The following PDE10A variants were observed in gnomAD, a reference collection of about 807,000 sequenced individuals.
The protein encoded by PDE10A is cAMP and cAMP-inhibited cGMP 3',5'-cyclic phosphodiesterase 10A.
Under a neutral mutation model 97.7 loss-of-function variants are expected in PDE10A, and 39 were observed. That is an observed-to-expected ratio of 0.40 (90% CI 0.31 to 0.52). PDE10A has a LOEUF of 0.52. Among genes scored for constraint, PDE10A ranks in the 20% least tolerant of loss-of-function variants. The pLI is 0.56. For synonymous variants in PDE10A, 371 were observed against 376.8 expected (o/e 0.98, Z 0.18); for missense variants, 731 against 1,047.8 (o/e 0.70, Z 4.17).
intron 1 of PDE10A, among the ~76,000 whole-genome samples, chr6:165,546,176 T>C (rs1783728296): frequency 1.3e-5 from 2 of 152,042 alleles, no homozygotes; most frequent in Non-Finnish European, 2.9e-5. Flanking sequence ...GGATACATAT[T>C]ACACAATTCC....
intron 2 of PDE10A, among the ~76,000 whole-genome samples, chr6:165,535,688 T>A (rs560969431): frequency 6.6e-6 from 1 of 151,958 alleles, no homozygotes; most frequent in Admixed American, 6.6e-5. Flanking sequence ...TTTTTGCTAT[T>A]GTGAATAGTG....
At chr6:165,538,514 G>A (rs1189769848) in intron 2 of PDE10A, among the ~76,000 whole-genome samples, 2 of 152,084 alleles carry the variant, frequency 1.3e-5, no homozygotes, top group African/African-American at 2.4e-5. Context: ...AATTACATTT[G>A]AGGTTTTTAA....
At chr6:165,860,396 G>A (rs1440820493) in intron 1 of PDE10A, among the ~76,000 whole-genome samples, 2 of 152,184 alleles carry the variant, frequency 1.3e-5, no homozygotes, top group East Asian at 3.9e-4. Flanking sequence ...AGGTTGCGGT[G>A]AGCCGAGATC....
chr6:165,951,963 C>T (rs1363096628), intron 1 of PDE10A, among the ~76,000 whole-genome samples: 1 of 152,236 alleles, frequency 6.6e-6, no homozygotes, highest in Non-Finnish European at 1.5e-5. Flanking sequence ...AAATAGTTGA[C>T]ATTCATCATG....
At position 165,556,840 on chromosome 6, in the gene PDE10A, TAA is replaced by T. The variant is rs906929316; in HGVS notation, c.866-13274_866-13273del. ...CAGTAAAGCCTTGATAAATCTTAAATAAAAAAAAAAAATTCTGAGCCGGGTGC... is the reference window on the plus strand; with the variant it reads ...CAGTAAAGCCTTGATAAATCTTAAATAAAAAAAAAATTCTGAGCCGGGTGC... On this transcript the variant is annotated intron_variant, in intron 1 of 21. Transcript: ENST00000539869. Among the ~76,000 whole-genome samples the T allele has an allele frequency of 1.7e-4, 25 of 145,610 alleles. 1 individual carries two copies. The highest frequency in any genetic ancestry group is 6.3e-4 in the African/African-American group (25 of 39,836).
At chr6:165,620,365 A>C (rs530696841) in intron 1 of PDE10A, among the ~76,000 whole-genome samples, 2 of 152,250 alleles carry the variant, frequency 1.3e-5, no homozygotes, top group African/African-American at 4.8e-5. Context: ...GCTTCTCGTA[A>C]GTATCTGAGT....
chr6:165,778,316 C>A lies in PDE10A; in HGVS notation c.-615+209213G>T, dbSNP rs1014806466. Among the ~76,000 whole-genome samples the A allele has an allele frequency of 8.2e-4, 125 of 152,284 alleles. 1 individual carries two copies. The highest frequency in any genetic ancestry group is 2.9e-3 in the African/African-American group (121 of 41,548). On this transcript the variant is annotated intron_variant, in intron 1 of 19. Transcript: ENST00000366882. ...GGATCTCCTGACCTCGTGATCCACC[C>A]GTCTCAGCCTCCCAAAGTGCTGGGA...
chr6:165,945,522 G>A (rs543640956), intron 1 of PDE10A, among the ~76,000 whole-genome samples: 1 of 152,250 alleles, frequency 6.6e-6, no homozygotes, highest in East Asian at 1.9e-4. Flanking sequence ...GCCTTTTGGG[G>A]GGTGATTAGG....
chr6:165,607,289 C>A (rs1406008581), intron 1 of PDE10A, among the ~76,000 whole-genome samples: 1 of 152,200 alleles, frequency 6.6e-6, no homozygotes, highest in Non-Finnish European at 1.5e-5. Context: ...TTTTGGTCAA[C>A]AAGCGACCAA....
intron 1 of PDE10A, among the ~76,000 whole-genome samples, chr6:165,706,158 G>A (rs1366518355): frequency 1.3e-5 from 2 of 152,186 alleles, no homozygotes; most frequent in East Asian, 3.8e-4. Flanking sequence ...TTGCAGTGCG[G>A]GAAAAAGATG....
At chr6:165,924,395 G>A (rs1037459529) in intron 1 of PDE10A, among the ~76,000 whole-genome samples, 5 of 152,034 alleles carry the variant, frequency 3.3e-5, no homozygotes, top group African/African-American at 1.2e-4. Context: ...CCCCCTCTGT[G>A]TGTACAGTTC....
intron 2 of PDE10A, among the ~76,000 whole-genome samples, chr6:165,500,922 G>GTGCACATC (rs1390925278): frequency 6.6e-6 from 1 of 151,986 alleles, no homozygotes; most frequent in Non-Finnish European, 1.5e-5. Flanking sequence ...GTTTGTGTAC[G>GTGCACATC]TGCACATCAA....
At chr6:165,618,324 C>G (rs988419568) in intron 1 of PDE10A, among the ~76,000 whole-genome samples, 10 of 152,092 alleles carry the variant, frequency 6.6e-5, no homozygotes, top group Admixed American at 4.6e-4. Context: ...GGAAAATTCA[C>G]TCTCTGATAA....
intron 10 of PDE10A, among the ~76,000 whole-genome samples, chr6:165,425,158 C>T (rs1219380671): frequency 6.6e-6 from 1 of 152,048 alleles, no homozygotes; most frequent in African/African-American, 2.4e-5. Flanking sequence ...ATCTTGAAAA[C>T]TAAAGACTAT....
intron 5 of PDE10A, among the ~76,000 whole-genome samples, chr6:165,438,658 T>C (rs1311714014): frequency 2.6e-5 from 4 of 152,228 alleles, no homozygotes; most frequent in African/African-American, 4.8e-5. Context: ...TGATTTATTT[T>C]ATAAGCTATA....
chr6:165,652,231 C>G (rs1789719872), intron 1 of PDE10A, among the ~76,000 whole-genome samples: 1 of 152,116 alleles, frequency 6.6e-6, no homozygotes, highest in Admixed American at 6.5e-5. Context: ...TCCAAGAAGC[C>G]ATAGTAACTA....
At chr6:165,700,381 T>C (rs1278753703) in intron 1 of PDE10A, among the ~76,000 whole-genome samples, 19 of 152,190 alleles carry the variant, frequency 1.2e-4, no homozygotes, top group Admixed American at 1.2e-3. Context: ...CAGTTCTAAA[T>C]TGATTGTGGT....
intron 1 of PDE10A, among the ~76,000 whole-genome samples, chr6:165,643,791 T>C (rs938039526): frequency 4.6e-5 from 7 of 152,164 alleles, no homozygotes; most frequent in Non-Finnish European, 7.4e-5. Context: ...ATGGTTACCA[T>C]GGTTAATAAT....
intron 2 of PDE10A, among the ~76,000 whole-genome samples, chr6:165,500,553 C>T (rs1780808894): frequency 1.3e-5 from 2 of 152,160 alleles, no homozygotes; most frequent in African/African-American, 4.8e-5. Flanking sequence ...CTCAAGTACC[C>T]AGGGACACAA....
Sources: gnomAD v4.1 joint callset for allele counts (sites outside exome capture counted in the v4.1 genomes callset) on GRCh38, gnomAD v4.1.1 for gene constraint, MANE v1.5 for transcripts, NCBI Gene and HGNC (gene_info 2026-07-23, HGNC 2026-07-21) for gene names.